The following NUMB variants were observed in gnomAD, a reference collection of about 807,000 sequenced individuals.
NUMB encodes the protein protein numb homolog.
A neutral mutation model predicts 59.7 loss-of-function variants in NUMB; 29 were observed. That is an observed-to-expected ratio of 0.49 (90% CI 0.36 to 0.66). The LOEUF (loss-of-function observed/expected upper bound fraction) is 0.66, where lower values mean the gene tolerates loss of function less well. NUMB is among the 30% of genes least tolerant of loss of function. The pLI is 0.00. For synonymous variants in NUMB, 288 were observed against 288.2 expected, an observed-to-expected ratio of 1.00 and a Z score of 0.01; for missense variants, 723 against 822.0, an observed-to-expected ratio of 0.88 and a Z score of 1.47.
At chr14:73,292,624 C>T (rs1466797272) in intron 8 of NUMB, 110 bp downstream of exon 8, 1 of 1,067,584 alleles carries the variant, frequency 9.4e-7, no homozygotes, top group Non-Finnish European at 1.3e-6. Flanking sequence ...AGTTTAGGCA[C>T]TTCCAAGTAC....
chr14:73,312,244 A>G (rs560730750), intron 6 of NUMB, among the ~76,000 whole-genome samples: 1 of 152,008 alleles, frequency 6.6e-6, no homozygotes, highest in East Asian at 1.9e-4. Context: ...AAATACAAAA[A>G]TTATCCGGGT....
chr14:73,371,212 T>TAGCTAAGCAAATCAGTACCAATGTTAA (rs1422368190), intron 2 of NUMB, among the ~76,000 whole-genome samples: 1 of 152,182 alleles, frequency 6.6e-6, no homozygotes, highest in Non-Finnish European at 1.5e-5. Context: ...AACCATAATA[T>TAGCTAAGCAAATCAGTACCAATGTTAA]AGCTAAGCAA....
chr14:73,421,660 A>C (rs1278578356), intron 1 of NUMB, among the ~76,000 whole-genome samples: 2 of 152,184 alleles, frequency 1.3e-5, no homozygotes, highest in Admixed American at 1.3e-4. Flanking sequence ...CATAAGGGGC[A>C]ATGCCATTAG....
chr14:73,372,309 A>ATATATATATATATATATATTTCTTT (rs1566766396), intron 2 of NUMB, among the ~76,000 whole-genome samples: 111 of 86,828 alleles, frequency 1.3e-3, no homozygotes, highest in Non-Finnish European at 2.0e-3. Context: ...TTTCTTTTAT[A>ATATATATATATATATATATTTCTTT]TATATATATA....
At chr14:73,435,374 C>CGCCATTCTCCTGCCTCA (rs1444802061) in intron 1 of NUMB, among the ~76,000 whole-genome samples, 9 of 150,676 alleles carry the variant, frequency 6.0e-5, no homozygotes, top group African/African-American at 2.2e-4. Flanking sequence ...CCCAGGTTCA[C>CGCCATTCTCCTGCCTCA]GCCATTCTCC....
intron 3 of NUMB, among the ~76,000 whole-genome samples, chr14:73,356,578 G>A (rs1893795240): frequency 6.6e-6 from 1 of 152,156 alleles, no homozygotes; most frequent in Non-Finnish European, 1.5e-5. Context: ...AAGAGGTGGA[G>A]GTTGCAGTGA....
At chr14:73,331,025 G>C (rs1372143361) in intron 4 of NUMB, among the ~76,000 whole-genome samples, 1 of 152,166 alleles carries the variant, frequency 6.6e-6, no homozygotes, top group Non-Finnish European at 1.5e-5. Context: ...AAAGGCTGGA[G>C]AGCCTGAAGT....
At chr14:73,309,554 C>A (rs938409548) in intron 6 of NUMB, among the ~76,000 whole-genome samples, 5 of 151,970 alleles carry the variant, frequency 3.3e-5, no homozygotes, top group Admixed American at 3.3e-4. Flanking sequence ...GGGAACACCA[C>A]ACACTGGGGC....
chr14:73,407,751 C>T (rs1312003503), intron 2 of NUMB, among the ~76,000 whole-genome samples: 1 of 152,192 alleles, frequency 6.6e-6, no homozygotes, highest in African/African-American at 2.4e-5. Context: ...AGCCTATTGT[C>T]CATTCCTATA....
chr14:73,370,071 T>A (rs1463552860), intron 2 of NUMB, among the ~76,000 whole-genome samples: 1 of 152,174 alleles, frequency 6.6e-6, no homozygotes, highest in Non-Finnish European at 1.5e-5. Flanking sequence ...ATGATTTGAA[T>A]GTTTGTCTCT....
intron 1 of NUMB, among the ~76,000 whole-genome samples, chr14:73,414,343 TA>T (rs1897027929): frequency 6.6e-6 from 1 of 152,182 alleles, no homozygotes; most frequent in African/African-American, 2.4e-5. Flanking sequence ...AAAAACTAGT[TA>T]AAAAGCAAGA....
Position 73,418,104 on chromosome 14 carries a change from C to CAA in NUMB, c.-232-8038_-232-8037dup, listed in dbSNP as rs372295425. The stretch of plus-strand genomic sequence containing the variant: ...TGGGTGACAGGGCAAGACTCTGTCT[C>CAA]AAAAAAAAAAAATGTAGTCTATACA... On this transcript the variant is annotated intron_variant, in intron 1 of 12. Coordinates refer to ENST00000555238, the MANE Select transcript of NUMB (RefSeq NM_001005743.2). Among the ~76,000 whole-genome samples the CAA allele has an allele frequency of 1.0e-3, 137 of 134,286 alleles. 1 individual carries two copies. The highest frequency in any genetic ancestry group is 3.7e-3 in the African/African-American group (134 of 36,622). The allele number at this position is 134,286 out of a possible 152,430, so 88.1% of individuals were successfully genotyped here.
chr14:73,347,120 G>A (rs760895149), intron 4 of NUMB, among the ~76,000 whole-genome samples: 2 of 152,072 alleles, frequency 1.3e-5, no homozygotes, highest in Non-Finnish European at 2.9e-5. Flanking sequence ...AGCCTCCCAA[G>A]TAGCTGAGAC....
At chr14:73,292,682 A>G in intron 8 of NUMB, 52 bp downstream of exon 8, 2 of 1,588,600 alleles carry the variant, frequency 1.3e-6, no homozygotes, top group Non-Finnish European at 1.7e-6. Context: ...ACCCAGAAAG[A>G]GCCCAGCTAA....
intron 1 of NUMB, among the ~76,000 whole-genome samples, chr14:73,412,984 C>T (rs889383914): frequency 1.3e-5 from 2 of 151,936 alleles, no homozygotes; most frequent in South Asian, 2.1e-4. Context: ...CACAAAAATA[C>T]GAAGTAGTGG....
chr14:73,355,178 C>A (rs8018256), intron 4 of NUMB, among the ~76,000 whole-genome samples: 17,065 of 152,076 alleles, frequency 0.11, 2,611 homozygotes, highest in African/African-American at 0.34. Context: ...TTTAAATGAC[C>A]TCTGTACCAT....
intron 2 of NUMB, among the ~76,000 whole-genome samples, chr14:73,406,105 T>TA (rs1555379377): frequency 1.6e-4 from 25 of 152,062 alleles, no homozygotes; most frequent in East Asian, 1.4e-3. Context: ...TTTTTTTTTT[T>TA]TTATTATACT....
intron 2 of NUMB, among the ~76,000 whole-genome samples, chr14:73,368,567 G>C (rs1894501292): frequency 6.7e-6 from 1 of 150,130 alleles, no homozygotes; most frequent in South Asian, 2.1e-4. Flanking sequence ...TGGGCAACAA[G>C]AGCAAGACTC....
At position 73,343,796 on chromosome 14, in the gene NUMB, C is replaced by T. The variant is rs190097651; in HGVS notation, c.126+11830G>A. ...AAGGAGATAGTCTCCTTTTTGGATG[C>T]TATCAAGTTTTGAAATACTATGTAT... On this transcript the variant is annotated intron_variant, in intron 4 of 12. Transcript: ENST00000555238. Among the ~76,000 whole-genome samples, 246 of 43,110 alleles carry T rather than the reference C, an allele frequency of 5.7e-3. 1 individual carries two copies. The highest frequency in any genetic ancestry group is 0.027 in the African/African-American group (237 of 8,632). The allele number at this position is 43,110 out of a possible 152,430, so 28.3% of individuals were successfully genotyped here.
Sources: allele counts gnomAD v4.1 joint callset (sites outside exome capture counted in the v4.1 genomes callset), GRCh38; gene constraint gnomAD v4.1.1; transcripts MANE v1.5; gene names NCBI Gene and HGNC (gene_info 2026-07-23, HGNC 2026-07-21).